SMARCAL1: variants seen among roughly 807,000 people sequenced by gnomAD.
SMARCAL1 encodes SNF2 related chromatin remodeling annealing helicase 1.
In SMARCAL1, 58 loss-of-function variants were observed where a neutral mutation model predicts 94.5. That is an observed-to-expected ratio of 0.61 (90% CI 0.50 to 0.76). The LOEUF is 0.76. SMARCAL1 is among the 30% of genes least tolerant of loss of function. The pLI is 0.00. For synonymous variants in SMARCAL1, 422 were observed against 455.1 expected, an observed-to-expected ratio of 0.93 and a Z score of 0.93; for missense variants, 1,051 against 1,177.9, an observed-to-expected ratio of 0.89 and a Z score of 1.58.
Position 216,428,744 on chromosome 2 carries a change from C to T in SMARCAL1, c.1296C>T (p.Leu432=), listed in dbSNP as rs151159565. The T allele has an allele frequency of 6.4e-5, 104 of 1,614,226 alleles. No homozygotes were observed. The African/African-American group carries it at 6.7e-4, about 10-fold the overall frequency. The change falls in exon 7 of 18, where the codon CTC becomes CTT. Residue 432 remains leucine (L), a synonymous_variant. Coordinates refer to ENST00000357276, the MANE Select transcript of SMARCAL1 (RefSeq NM_014140.4). ...ACCTTTCTGAAGTGGACCCCAAGCT[C>T]GTGTCTAATCTGATGCCCTTTCAGA... ...EADLSEVDPK[L]VSNLMPFQRA...
chr2:216,474,158 G>A (rs1424582946), intron 14 of SMARCAL1, among the ~76,000 whole-genome samples: 1 of 13,456 alleles, frequency 7.4e-5, no homozygotes, highest in Non-Finnish European at 1.4e-4. Flanking sequence ...TTTTTTTTTT[G>A]AGACAGAGTC....
intron 14 of SMARCAL1, among the ~76,000 whole-genome samples, chr2:216,473,971 A>G (rs932250653): frequency 2.0e-5 from 3 of 152,152 alleles, no homozygotes; most frequent in African/African-American, 7.2e-5. Context: ...TGGTGAAACT[A>G]TGGTATATCC....
intron 10 of SMARCAL1, among the ~76,000 whole-genome samples, chr2:216,444,792 C>G (rs1049238123): frequency 2.0e-5 from 3 of 152,184 alleles, no homozygotes; most frequent in African/African-American, 7.2e-5. Context: ...GCTGAGATTG[C>G]AGGCGTGAGC....
intron 17 of SMARCAL1, among the ~76,000 whole-genome samples, chr2:216,481,897 T>A (rs913287355): frequency 6.6e-6 from 1 of 152,186 alleles, no homozygotes; most frequent in South Asian, 2.1e-4. Flanking sequence ...TGAAAAATGG[T>A]CAAAGTTGGA....
Position 216,428,770 on chromosome 2 carries a change from G to C in SMARCAL1, c.1322G>C (p.Arg441Thr). 1 of 1,614,138 alleles carries C rather than the reference G, an allele frequency of 6.2e-7. No homozygotes were observed. Among genetic ancestry groups the C allele is most frequent in the Non-Finnish European group, 8.5e-7 (1 of 1,180,004 alleles). Residue 441 changes from arginine (R) to threonine (T), a missense_variant, in exon 7 of 18, where the codon AGA (arginine) becomes ACA (threonine). Physicochemically the swap from Arg to Thr is moderately conservative, Grantham distance 71. Around this residue, in one of 3 missense-constraint regions of SMARCAL1, gnomAD observed 642 missense variants for 754.7 expected, o/e 0.85. Coordinates refer to ENST00000357276, the MANE Select transcript of SMARCAL1 (RefSeq NM_014140.4). The part of the protein sequence containing the change: ...KLVSNLMPFQ[R>T]AGVNFAIAKG... ...GTGTCTAATCTGATGCCCTTTCAGA[G>C]AGCTGGAGTCAAGTAGGTTCTTGAT... is the stretch of plus-strand genomic sequence containing the variant.
At chr2:216,438,350 C>A in intron 9 of SMARCAL1, 70 bp from the exon 10 acceptor site, 2 of 1,352,444 alleles carry the variant, frequency 1.5e-6, no homozygotes, top group Non-Finnish European at 2.1e-6. Context: ...CAGGGTCAAG[C>A]CTAAAGTGAC....
At chr2:216,426,240 C>T (rs1308074630) in intron 6 of SMARCAL1, among the ~76,000 whole-genome samples, 2 of 152,210 alleles carry the variant, frequency 1.3e-5, no homozygotes, top group African/African-American at 4.8e-5. Flanking sequence ...GAAACACACA[C>T]ATGTTAGCTA....
rs1364283646 is a variant in SMARCAL1 at position 216,450,988 on chromosome 2, C to T, written c.1994C>T (p.Ala665Val). 6.2e-7 allele frequency: 1 copy of T among 1,614,074 alleles called. No individual in the cohort carries two copies. The highest frequency in any genetic ancestry group is 1.7e-5 in the Admixed American group (1 of 60,002). The change falls in exon 12 of 18, where the codon GCC becomes GTC. Residue 665 changes from alanine (A) to valine (V), a missense_variant. Ala to Val is a moderately conservative substitution (Grantham distance 64). Coordinates refer to ENST00000357276, the MANE Select transcript of SMARCAL1 (RefSeq NM_014140.4). ...PAKQRKIVVI[A>V]PGRINARTRA... Reference sequence around the variant, plus strand: ...AAGCAGCGCAAGATAGTGGTGATTGCCCCAGGACGGATCAATGCCAGGACC... The same window carrying T: ...AAGCAGCGCAAGATAGTGGTGATTGTCCCAGGACGGATCAATGCCAGGACC...
intron 14 of SMARCAL1, 144 bp downstream of exon 14, chr2:216,468,190 G>A: frequency 2.9e-6 from 2 of 681,796 alleles, no homozygotes; most frequent in South Asian, 3.1e-5. Flanking sequence ...GTTCTTGCTT[G>A]TAGAACCACA....
chr2:216,457,096 C>T (rs929971739), intron 12 of SMARCAL1, among the ~76,000 whole-genome samples: 9 of 150,102 alleles, frequency 6.0e-5, no homozygotes, highest in African/African-American at 1.5e-4. Context: ...GAGACAAGGC[C>T]GTTACATAAT....
At chr2:216,470,190 G>T (rs916585498) in intron 14 of SMARCAL1, among the ~76,000 whole-genome samples, 4 of 151,944 alleles carry the variant, frequency 2.6e-5, no homozygotes, top group African/African-American at 9.7e-5. Flanking sequence ...TCGCTCCGTT[G>T]CCCGGGCTGG....
chr2:216,446,854 G>T, intron 10 of SMARCAL1, 164 bp from the exon 11 acceptor site: 1 of 732,428 alleles, frequency 1.4e-6, no homozygotes, highest in South Asian at 1.5e-5. Context: ...TTAAAGAAAA[G>T]GAGATGCCAT....
At chr2:216,434,948 TC>T (rs774331593) in intron 8 of SMARCAL1, among the ~76,000 whole-genome samples, 1 of 149,328 alleles carries the variant, frequency 6.7e-6, no homozygotes, top group Non-Finnish European at 1.5e-5. Context: ...AACCTCCACT[TC>T]CCGGGTTCAA....
intron 8 of SMARCAL1, among the ~76,000 whole-genome samples, chr2:216,434,419 G>C (rs757076341): frequency 2.0e-5 from 3 of 152,110 alleles, no homozygotes; most frequent in Non-Finnish European, 4.4e-5. Flanking sequence ...AGTGTACCAG[G>C]CTCTGCTACA....
At chr2:216,436,114 A>G (rs894957761) in intron 9 of SMARCAL1, among the ~76,000 whole-genome samples, 3 of 152,122 alleles carry the variant, frequency 2.0e-5, no homozygotes, top group African/African-American at 7.2e-5. Context: ...GATTACAGGC[A>G]CTTGCCACCA....
In SMARCAL1 at chr2:216,435,464, C is replaced by G. The variant is rs571627974; in HGVS notation, c.1612C>G (p.Gln538Glu). 5 of 1,614,162 alleles carry G rather than the reference C, an allele frequency of 3.1e-6. No individual in the cohort carries two copies. The South Asian group carries it at 5.5e-5, about 18-fold the overall frequency. Residue 538 changes from glutamine to glutamate, a missense_variant, in exon 9 of 18, where the codon CAG (glutamine) becomes GAG (glutamate). By Grantham distance (29) the Gln-to-Glu change is conservative (BLOSUM62 2). This residue lies in a region of SMARCAL1 where 642 missense variants were observed against 754.7 expected (regional missense o/e 0.85). Transcript: ENST00000357276. ...TGACCTTCTTAGCAAGTTGGAAAAACAGCTAAAAACCCCTTTTAAAGTTGT... is the reference window on the plus strand; with the variant it reads ...TGACCTTCTTAGCAAGTTGGAAAAAGAGCTAAAAACCCCTTTTAAAGTTGT... ...SFDLLSKLEK[Q>E]LKTPFKVVII...
At chr2:216,424,693 T>C (rs887204151) in intron 6 of SMARCAL1, among the ~76,000 whole-genome samples, 25 of 152,178 alleles carry the variant, frequency 1.6e-4, no homozygotes, top group African/African-American at 5.6e-4. Flanking sequence ...AAAAAAGCGG[T>C]GGTCTTTAAT....
chr2:216,475,017 T>C lies in SMARCAL1; in HGVS notation c.2245-252T>C, dbSNP rs1695040309. On this transcript the variant is annotated intron_variant, in intron 14 of 17. Transcript: ENST00000357276. The surrounding 1 kb of genome is among the most constrained non-coding windows in gnomAD (Gnocchi z 4.4). The stretch of plus-strand genomic sequence containing the variant: ...GCATCCTGGCTGTGGTATTATACTA[T>C]AGTTTTTATAGAATGTTACCACTGC... Among the ~76,000 whole-genome samples the C allele has an allele frequency of 6.6e-6, 1 of 152,242 alleles. No individual in the cohort carries two copies. The highest frequency in any genetic ancestry group is 2.4e-5 in the African/African-American group (1 of 41,460).
chr2:216,463,936 G>A (rs1489575703), intron 12 of SMARCAL1, among the ~76,000 whole-genome samples: 2 of 152,164 alleles, frequency 1.3e-5, no homozygotes, highest in African/African-American at 4.8e-5. Flanking sequence ...CCAGCTACTC[G>A]GAGGCTGAGA....
Sources: gnomAD v4.1 joint callset for allele counts (sites outside exome capture counted in the v4.1 genomes callset) on GRCh38, gnomAD v4.1.1 for gene constraint, gnomAD v4.1.1 regional missense constraint, Gnocchi (gnomAD v3.1) non-coding constraint, MANE v1.5 for transcripts, NCBI Gene and HGNC (gene_info 2026-07-23, HGNC 2026-07-21) for gene names.